Variants in S100A13 observed in about 807,000 individuals in gnomAD.
S100A13 encodes the protein S100 calcium binding protein A13, also known as protein S100-A13.
S100A13 carries 6 observed loss-of-function variants against 8.2 expected under a neutral mutation model. The observed-to-expected ratio is 0.73, with a 90% confidence interval of 0.40 to 1.44. The LOEUF is 1.44. Ranked by LOEUF, S100A13 falls within the 40% of genes most tolerant of loss-of-function variation. The probability of loss-of-function intolerance (pLI) is 0.02; values close to 1 mark genes in which losing one functional copy is unlikely to be tolerated. For missense variants in S100A13, 114 were observed against 113.6 expected (o/e 1.00, Z -0.02); for synonymous variants, 39 against 45.9 (o/e 0.85, Z 0.61).
chr1:153,619,659 G>T (rs1159770409), intron 2 of S100A13, among the ~76,000 whole-genome samples: 1 of 152,212 alleles, frequency 6.6e-6, no homozygotes, highest in African/African-American at 2.4e-5. Flanking sequence ...TAAACTGGAT[G>T]TCCTGATCGA....
upstream of S100A13, chr1:153,628,270 GGAAA>G: frequency 6.6e-7 from 1 of 1,523,828 alleles, no homozygotes; most frequent in Admixed American, 2.0e-5. Flanking sequence ...AGCAAGGCTG[GGAAA>G]GAGACAAGGG....
Position 153,618,925 on chromosome 1 carries a change from C to A in S100A13, c.267G>T (p.Lys89Asn), listed in dbSNP as rs1557919575. The A allele has an allele frequency of 1.9e-6, 3 of 1,614,116 alleles. No individual in the cohort carries two copies. The highest frequency in any genetic ancestry group is 1.1e-5 in the South Asian group (1 of 91,084). Residue 89 changes from lysine to asparagine, a missense_variant, in exon 3 of 3, where the codon AAG becomes AAT. By Grantham distance (94) the Lys-to-Asn change is moderately conservative (BLOSUM62 0). Transcript: ENST00000476133. Reference sequence around the variant, plus strand: ...TCTTCCTGATCTTCAGGTCTTTCTTCTTCCTGATTTCCTTGGCCAGCTCCC... The same window carrying A: ...TCTTCCTGATCTTCAGGTCTTTCTTATTCCTGATTTCCTTGGCCAGCTCCC... ...LIGELAKEIR[K>N]KKDLKIRKK is the part of the protein sequence containing the mutation.
At chr1:153,628,564 G>C (rs1318224855), upstream of S100A13, 1 of 1,538,400 alleles carries the variant, frequency 6.5e-7, no homozygotes, top group Non-Finnish European at 8.8e-7. Flanking sequence ...CTTCAGAAGG[G>C]CTCCAAGAGG....
At chr1:153,628,109 T>C (rs892989177), upstream of S100A13, 48 of 1,550,098 alleles carry the variant, frequency 3.1e-5, no homozygotes, top group African/African-American at 6.9e-5. Context: ...CTCAGCAGAA[T>C]TCCCCCCTTA....
At position 153,619,058 on chromosome 1, in the gene S100A13, A is replaced by T; in HGVS notation, c.154-20T>A. 2 of 1,609,560 alleles carry T rather than the reference A, an allele frequency of 1.2e-6. No individual in the cohort carries two copies. Among genetic ancestry groups the T allele is most frequent in the South Asian group, 2.2e-5 (2 of 90,556 alleles). On this transcript the variant is annotated intron_variant, in intron 2 of 2. Transcript: ENST00000476133. ...CACATCCTGAGGAGACACCAAAGGG[A>T]AGGGTAGAGTTAGAAACTGGGGTTC...
At chr1:153,625,769 G>A (rs1348015514) in intron 2 of S100A13, among the ~76,000 whole-genome samples, 1 of 152,192 alleles carries the variant, frequency 6.6e-6, no homozygotes, top group Non-Finnish European at 1.5e-5. Flanking sequence ...GAACCCAACA[G>A]CATCTTCTGA....
At chr1:153,627,980 C>G (rs944932745), upstream of S100A13, 12 of 1,500,894 alleles carry the variant, frequency 8.0e-6, no homozygotes, top group Non-Finnish European at 9.9e-6. Flanking sequence ...CAGGTTGAGA[C>G]CCCCAGAGAA....
upstream of S100A13, chr1:153,627,882 C>T (rs941371162): frequency 2.7e-6 from 2 of 733,436 alleles, no homozygotes; most frequent in African/African-American, 3.6e-5. Flanking sequence ...CACACAGAGG[C>T]CCCTTGGAAT....
chr1:153,628,184 T>C (rs932625655), upstream of S100A13: 4 of 1,550,254 alleles, frequency 2.6e-6, no homozygotes, highest in African/African-American at 1.4e-5. Flanking sequence ...AGACATCCAG[T>C]GTCCCTCCCA....
At chr1:153,631,964 C>A, upstream of S100A13, 2 of 1,162,354 alleles carry the variant, frequency 1.7e-6, no homozygotes, top group East Asian at 2.6e-5. Flanking sequence ...CCCACCCCCA[C>A]CCCCACCAAG....
chr1:153,630,703 G>A (rs370698430), upstream of S100A13: 8 of 1,606,400 alleles, frequency 5.0e-6, no homozygotes, highest in African/African-American at 9.4e-5. Context: ...GTGGGTGAAG[G>A]TTGGGGGAAT....
upstream of S100A13, chr1:153,631,760 G>A (rs1486545713): frequency 6.2e-7 from 1 of 1,614,200 alleles, no homozygotes; most frequent in South Asian, 1.1e-5. Context: ...ATGGAGACGG[G>A]GAGGTGGACT....
upstream of S100A13, chr1:153,634,019 A>G (rs922040256): frequency 6.6e-6 from 1 of 152,498 alleles, no homozygotes; most frequent in Non-Finnish European, 1.5e-5. Context: ...CTGACGCCTG[A>G]CGTAATTGCG....
chr1:153,621,237 AC>A (rs1289823710), intron 2 of S100A13, among the ~76,000 whole-genome samples: 1 of 150,866 alleles, frequency 6.6e-6, no homozygotes, highest in East Asian at 2.0e-4. Flanking sequence ...GCTCACTGCA[AC>A]CCCCACCTTC....
At chr1:153,626,631 CAGCCTGG>C (rs1667654308) in intron 1 of S100A13, 98 bp from the exon 2 acceptor site, 1 of 652,984 alleles carries the variant, frequency 1.5e-6, no homozygotes, top group Admixed American at 2.8e-5. Flanking sequence ...ACATCAGTCT[CAGCCTGG>C]AGGGGGCATA....
At chr1:153,633,732 A>G (rs1427885380), upstream of S100A13, among the ~76,000 whole-genome samples, 1 of 152,186 alleles carries the variant, frequency 6.6e-6, no homozygotes, top group East Asian at 1.9e-4. Context: ...CCGCGTAAAG[A>G]TTTTTAGACG....
upstream of S100A13, chr1:153,631,843 C>T (rs10529): frequency 6.2e-6 from 10 of 1,613,268 alleles, no homozygotes; most frequent in Admixed American, 1.7e-4. Context: ...AACAGTTGAG[C>T]AGACAGCCAC....
At chr1:153,631,346 G>C (rs372555196), upstream of S100A13, 3 of 1,023,614 alleles carry the variant, frequency 2.9e-6, no homozygotes, top group Non-Finnish European at 2.8e-6. Flanking sequence ...TTTAACCACC[G>C]ATTACCAATT....
At chr1:153,619,217 C>G (rs563663234) in intron 2 of S100A13, among the ~76,000 whole-genome samples, 179 bp from the exon 3 acceptor site, 1 of 152,312 alleles carries the variant, frequency 6.6e-6, no homozygotes, top group Non-Finnish European at 1.5e-5. Flanking sequence ...GGGTGCCTCT[C>G]CAAGGAGCAC....
Sources: gnomAD v4.1 joint callset for allele counts (sites outside exome capture counted in the v4.1 genomes callset) on GRCh38, gnomAD v4.1.1 for gene constraint, MANE v1.5 for transcripts, NCBI Gene and HGNC (gene_info 2026-07-23, HGNC 2026-07-21) for gene names.